Variants in SQSTM1 observed in about 807,000 individuals in gnomAD.
The protein encoded by SQSTM1 is sequestosome-1.
SQSTM1 carries 36 observed loss-of-function variants against 45.1 expected under a neutral mutation model. The ratio of observed to expected loss-of-function variants is 0.80; its 90% CI spans 0.61 to 1.05. SQSTM1 has a LOEUF of 1.05. Ranked by LOEUF, SQSTM1 falls within the 50% of genes least tolerant of loss-of-function variation. The probability of loss-of-function intolerance (pLI) is 0.00; values close to 1 mark genes in which losing one functional copy is unlikely to be tolerated. For synonymous variants in SQSTM1, 290 were observed against 244.3 expected (o/e 1.19, Z -1.74); for missense variants, 617 against 607.1 (o/e 1.02, Z -0.17).
chr5:179,837,958 C>T lies in SQSTM1; in HGVS notation c.*1365C>T. The T allele has an allele frequency of 6.8e-7, 1 of 1,467,160 alleles. No homozygotes were observed. Among genetic ancestry groups the T allele is most frequent in the Non-Finnish European group, 9.2e-7 (1 of 1,088,500 alleles). 90.9% of individuals were successfully genotyped at this position (1,467,160 alleles called of 1,614,324 possible). ...GGCCCAGGAGGACCGCCTGCCCTGC[C>T]TGGGCCTTGGCTGGGCCTCTGGTTC... On this transcript the variant is annotated 3_prime_UTR_variant, in exon 8 of 8. Transcript: ENST00000389805.
upstream of SQSTM1, chr5:179,820,794 C>A: frequency 3.9e-6 from 3 of 776,732 alleles, no homozygotes; most frequent in South Asian, 2.3e-5. Context: ...GCGGCTCTCG[C>A]GCCGCGACGA....
intron 1 of SQSTM1, chr5:179,808,357 T>C (rs1757275947): frequency 6.6e-6 from 1 of 152,234 alleles, no homozygotes; most frequent in South Asian, 2.1e-4. Context: ...CACTCAGTGC[T>C]CCTGGAACTT....
intron 6 of SQSTM1, 99 bp from the exon 7 acceptor site, chr5:179,833,488 G>A: frequency 2.3e-6 from 3 of 1,294,846 alleles, no homozygotes; most frequent in Non-Finnish European, 3.3e-6. Flanking sequence ...CTGCACGTGT[G>A]CATGCGTGCT....
In SQSTM1 at chr5:179,833,483, C is replaced by T. The variant is rs189727708; in HGVS notation, c.970-104C>T. On this transcript the variant is annotated intron_variant, in intron 6 of 7. Transcript: ENST00000389805. The stretch of plus-strand genomic sequence containing the variant: ...CTAGACCCCTGCAGCCTTAACTGCA[C>T]GTGTGCATGCGTGCTCCCCGACTGT... 5.6e-3 allele frequency: 6,954 copies of T among 1,249,590 alleles called. 31 individuals are homozygous for T. The highest frequency in any genetic ancestry group is 5.9e-3 in the Non-Finnish European group (5,146 of 867,756). 77.4% of individuals were successfully genotyped at this position (1,249,590 alleles called of 1,614,324 possible).
At chr5:179,824,401 G>A (rs1042684254) in intron 4 of SQSTM1, 78 bp downstream of exon 4, 12 of 1,601,644 alleles carry the variant, frequency 7.5e-6, no homozygotes, top group South Asian at 4.4e-5. Context: ...TGTGCAAAGC[G>A]TGTGTGCAAG....
intron 1 of SQSTM1, among the ~76,000 whole-genome samples, chr5:179,809,375 C>T (rs567529495): frequency 2.2e-3 from 244 of 111,358 alleles, no homozygotes; most frequent in Non-Finnish European, 3.5e-3. Flanking sequence ...CTCGCTATGT[C>T]GCCCAGGCTG....
At position 179,823,012 on chromosome 5, in the gene SQSTM1, T is replaced by C. The variant is rs773117648; in HGVS notation, c.260T>C (p.Met87Thr). ...FSSDEELTMAMSYVKDDIFRI... is the reference protein window; with the variant it reads ...FSSDEELTMATSYVKDDIFRI... Reference sequence around the variant, plus strand: ...AGTGACGAGGAATTGACAATGGCCATGTCCTACGTGAAGGATGACATCTTC... The same window carrying C: ...AGTGACGAGGAATTGACAATGGCCACGTCCTACGTGAAGGATGACATCTTC... Residue 87 changes from methionine to threonine, a missense_variant, in exon 2 of 8, where the codon ATG becomes ACG. Coordinates refer to ENST00000389805, the MANE Select transcript of SQSTM1 (RefSeq NM_003900.5). 1 of 1,614,044 alleles carries C rather than the reference T, an allele frequency of 6.2e-7. No individual in the cohort carries two copies. The highest frequency in any genetic ancestry group is 8.5e-7 in the Non-Finnish European group (1 of 1,179,978).
intron 2 of SQSTM1, 95 bp from the exon 3 acceptor site, chr5:179,823,763 G>C: frequency 7.4e-7 from 1 of 1,348,278 alleles, no homozygotes; most frequent in Non-Finnish European, 1.0e-6. Context: ...GAGCAGGGCC[G>C]GGGGCCTTGC....
Position 179,822,992 on chromosome 5 carries a change from C to G in SQSTM1, c.240C>G (p.Asp80Glu), listed in dbSNP as rs148366738. ...GGGACTTGGTTGCCTTTTCCAGTGACGAGGAATTGACAATGGCCATGTCCT... is the reference window on the plus strand; with the variant it reads ...GGGACTTGGTTGCCTTTTCCAGTGAGGAGGAATTGACAATGGCCATGTCCT... Reference protein sequence around the residue: ...EDGDLVAFSSDEELTMAMSYV... With the variant: ...EDGDLVAFSSEEELTMAMSYV... The change falls in exon 2 of 8, where the codon GAC (aspartate) becomes GAG (glutamate). Residue 80 changes from aspartate to glutamate, a missense_variant. By Grantham distance (45) the Asp-to-Glu change is conservative. Coordinates refer to ENST00000389805, the MANE Select transcript of SQSTM1 (RefSeq NM_003900.5). The G allele has an allele frequency of 4.3e-6, 7 of 1,614,064 alleles. No individual in the cohort carries two copies. Among genetic ancestry groups the G allele is most frequent in the African/African-American group, 1.3e-5 (1 of 75,012 alleles).
intron 7 of SQSTM1, chr5:179,835,843 C>G (rs543605583): frequency 6.0e-6 from 1 of 168,034 alleles, no homozygotes; most frequent in Non-Finnish European, 1.3e-5. Context: ...GGTATTATTT[C>G]GTTCCTTTTT....
rs1368150911 is a variant in SQSTM1, at chr5:179,837,574, G to A, written c.*981G>A. 1.2e-6 allele frequency: 2 copies of A among 1,614,188 alleles called. No individual in the cohort carries two copies. Among genetic ancestry groups the A allele is most frequent in the Admixed American group, 3.3e-5 (2 of 60,036 alleles). ...CGGGGTGTGTGGCCCGAGGAAGCTG[G>A]ACAGCGGCAGTGGGCCTGCTGAGGC... On this transcript the variant is annotated 3_prime_UTR_variant, in exon 8 of 8. Coordinates refer to ENST00000389805, the MANE Select transcript of SQSTM1 (RefSeq NM_003900.5).
chr5:179,806,657 G>T lies in SQSTM1; in HGVS notation c.-157+66G>T. 1.2e-6 allele frequency: 1 copy of T among 807,650 alleles called. No homozygotes were observed. The highest frequency in any genetic ancestry group is 1.5e-6 in the Non-Finnish European group (1 of 662,524). The allele number at this position is 807,650 out of a possible 1,614,324, so 50.0% of individuals were successfully genotyped here. On this transcript the variant is annotated intron_variant, in intron 1 of 5. Coordinates refer to the SQSTM1 transcript ENST00000514093. The surrounding 1 kb of genome is among the most constrained non-coding windows in gnomAD (Gnocchi z 4.6). ...GGGGGACCGGGGCCGGGGCGCAGGG[G>T]TCGGAAGGCGGCGGCGGCGGCGGCA... is the stretch of plus-strand genomic sequence containing the variant.
chr5:179,837,403 A>G lies in SQSTM1; in HGVS notation c.*810A>G. 1.3e-6 allele frequency: 2 copies of G among 1,592,072 alleles called. No individual in the cohort carries two copies. The highest frequency in any genetic ancestry group is 1.7e-6 in the Non-Finnish European group (2 of 1,167,256). ...TGCCAGTCCCAGATCACACATCATC[A>G]TCGAAGTCTTCCCCAGTTATAAAGA... On this transcript the variant is annotated 3_prime_UTR_variant, in exon 8 of 8. Coordinates refer to ENST00000389805, the MANE Select transcript of SQSTM1 (RefSeq NM_003900.5).
At position 179,836,328 on chromosome 5, in the gene SQSTM1, G is replaced by A. The variant is rs550518999; in HGVS notation, c.1166-108G>A. ...GAGGACGAGAGCTCTGGGCAGGCTC[G>A]GACACTGGCAGACCCTGGTCCTGGC... On this transcript the variant is annotated intron_variant, in intron 7 of 7. Transcript: ENST00000389805. 78 of 1,485,470 alleles carry A rather than the reference G, an allele frequency of 5.3e-5. 2 individuals are homozygous for A. The South Asian group carries it at 6.1e-4, about 12-fold the overall frequency. 92.0% of individuals were successfully genotyped at this position (1,485,470 alleles called of 1,614,324 possible).
upstream of SQSTM1, among the ~76,000 whole-genome samples, chr5:179,817,753 C>T (rs1230166116): frequency 6.6e-6 from 1 of 152,156 alleles, no homozygotes; most frequent in Non-Finnish European, 1.5e-5. Flanking sequence ...CTCACGCCTG[C>T]AGTCCCAGCA....
intron 1 of SQSTM1, chr5:179,822,688 G>A: frequency 4.2e-6 from 2 of 471,650 alleles, no homozygotes; most frequent in East Asian, 8.5e-5. Flanking sequence ...CTAAATAAGT[G>A]CAGCAGCCAA....
chr5:179,810,137 A>T (rs1380678766), intron 1 of SQSTM1, among the ~76,000 whole-genome samples: 3 of 151,886 alleles, frequency 2.0e-5, no homozygotes, highest in African/African-American at 4.8e-5. Flanking sequence ...TTTTTATTTT[A>T]CTTTAAGTTC....
At chr5:179,808,415 C>T (rs1033139103) in intron 1 of SQSTM1, 10 of 152,184 alleles carry the variant, frequency 6.6e-5, no homozygotes, top group African/African-American at 2.4e-4. Context: ...AGGAAACTGT[C>T]GTGTTTTCAC....
chr5:179,817,904 G>A (rs1029987324), upstream of SQSTM1, among the ~76,000 whole-genome samples: 1 of 151,342 alleles, frequency 6.6e-6, no homozygotes, highest in Non-Finnish European at 1.5e-5. Context: ...AGCTACTTGG[G>A]AGGCTGAGGC....
Sources: gnomAD v4.1 joint callset for allele counts (sites outside exome capture counted in the v4.1 genomes callset) on GRCh38, gnomAD v4.1.1 for gene constraint, Gnocchi (gnomAD v3.1) non-coding constraint, MANE v1.5 for transcripts, NCBI Gene and HGNC (gene_info 2026-07-23, HGNC 2026-07-21) for gene names.